The following DGKI variants were observed in gnomAD, a reference collection of about 807,000 sequenced individuals.
The protein encoded by DGKI is diacylglycerol kinase iota.
Under a neutral mutation model 147.5 loss-of-function variants are expected in DGKI, and 55 were observed. The observed-to-expected ratio is 0.37, with a 90% CI of 0.30 to 0.47. The LOEUF (loss-of-function observed/expected upper bound fraction) is 0.47. Among genes scored for constraint, DGKI ranks in the 20% least tolerant of loss-of-function variants. The pLI is 1.00. For synonymous variants in DGKI, 469 were observed against 477.1 expected (o/e 0.98, Z 0.22); for missense variants, 1,007 against 1,323.8 (o/e 0.76, Z 3.71).
At chr7:137,465,071 G>A (rs1814602620) in intron 26 of DGKI, among the ~76,000 whole-genome samples, 1 of 152,170 alleles carries the variant, frequency 6.6e-6, no homozygotes, top group African/African-American at 2.4e-5. Flanking sequence ...ATTATGTTTT[G>A]GTGGTAGAAG....
chr7:137,408,738 T>C (rs1189528179), intron 29 of DGKI, among the ~76,000 whole-genome samples: 2 of 152,172 alleles, frequency 1.3e-5, no homozygotes, highest in South Asian at 2.1e-4. Context: ...CAGAATTTTG[T>C]AGCCTGAGGA....
At chr7:137,399,743 C>T (rs1811681651) in intron 30 of DGKI, among the ~76,000 whole-genome samples, 1 of 152,076 alleles carries the variant, frequency 6.6e-6, no homozygotes, top group South Asian at 2.1e-4. Context: ...AACCCCGTCT[C>T]TACTAAAAAT....
chr7:137,535,477 C>T (rs968820435), intron 20 of DGKI, among the ~76,000 whole-genome samples: 11 of 151,596 alleles, frequency 7.3e-5, no homozygotes, highest in African/African-American at 2.7e-4. Flanking sequence ...TTTCCCCCTC[C>T]TTTTCCCTGC....
chr7:137,609,207 A>G, intron 9 of DGKI, 143 bp from the exon 10 acceptor site: 1 of 637,074 alleles, frequency 1.6e-6, no homozygotes, highest in Admixed American at 2.9e-5. Context: ...AAGGCTTGGA[A>G]GAAAGTATCT....
At chr7:137,839,122 GA>G (rs1392202405) in intron 1 of DGKI, among the ~76,000 whole-genome samples, 1 of 152,138 alleles carries the variant, frequency 6.6e-6, no homozygotes, top group Non-Finnish European at 1.5e-5. Flanking sequence ...TGGGAGTTTG[GA>G]TTGCTGCTAC....
chr7:137,724,338 G>C (rs185812496), intron 1 of DGKI, among the ~76,000 whole-genome samples: 1 of 152,316 alleles, frequency 6.6e-6, no homozygotes, highest in East Asian at 1.9e-4. Context: ...GCCAGGAAAT[G>C]ATATGAACAT....
chr7:137,461,113 AAGAAAT>A (rs1814426817), intron 27 of DGKI, among the ~76,000 whole-genome samples: 1 of 152,220 alleles, frequency 6.6e-6, no homozygotes, highest in Non-Finnish European at 1.5e-5. Context: ...AAATGTAAAA[AAGAAAT>A]AGAAACCAAA....
At chr7:137,547,716 GC>G (rs1817911101) in intron 20 of DGKI, among the ~76,000 whole-genome samples, 1 of 152,170 alleles carries the variant, frequency 6.6e-6, no homozygotes, top group African/African-American at 2.4e-5. Flanking sequence ...TCCCCACAGA[GC>G]AGAGAAGGGA....
At chr7:137,781,677 C>T (rs1246772793) in intron 1 of DGKI, among the ~76,000 whole-genome samples, 1 of 152,200 alleles carries the variant, frequency 6.6e-6, no homozygotes, top group Non-Finnish European at 1.5e-5. Flanking sequence ...TTTGCTAGTA[C>T]ATAATGCTGG....
intron 20 of DGKI, among the ~76,000 whole-genome samples, chr7:137,524,041 C>A (rs1331270071): frequency 6.6e-6 from 1 of 151,294 alleles, no homozygotes; most frequent in African/African-American, 2.5e-5. Flanking sequence ...ACTATAAAGT[C>A]TGGATTGGCA....
rs966742236 is a variant in DGKI at position 137,652,329 on chromosome 7, T to A, written c.738+2403A>T. 1.4e-4 allele frequency among the ~76,000 whole-genome samples: 21 copies of A among 152,172 alleles called. No homozygotes were observed. In the South Asian group the frequency reaches 1.7e-3, roughly 12 times the overall value. ...CCAAAAGCATCTTGTATTAGAAAAATTGCACGATTAAAATTGTCTCTCTTT... is the reference window on the plus strand; with the variant it reads ...CCAAAAGCATCTTGTATTAGAAAAAATGCACGATTAAAATTGTCTCTCTTT... On this transcript the variant is annotated intron_variant, in intron 5 of 32. Coordinates refer to ENST00000614521, the MANE Select transcript of DGKI (RefSeq NM_001321708.2).
At chr7:137,537,754 C>T (rs1456960067) in intron 20 of DGKI, among the ~76,000 whole-genome samples, 1 of 152,170 alleles carries the variant, frequency 6.6e-6, no homozygotes, top group Admixed American at 6.6e-5. Context: ...TATTAGCCAC[C>T]AGCAGCTTAA....
chr7:137,770,297 C>T (rs1038153614), intron 1 of DGKI, among the ~76,000 whole-genome samples: 1 of 151,630 alleles, frequency 6.6e-6, no homozygotes, highest in Non-Finnish European at 1.5e-5. Context: ...AGGGGAACAA[C>T]ACACATCAGG....
intron 30 of DGKI, among the ~76,000 whole-genome samples, chr7:137,406,930 CAAAAAAAA>C (rs3046570): frequency 2.2e-5 from 2 of 92,544 alleles, no homozygotes; most frequent in South Asian, 4.7e-4. Context: ...TGCTGAATTG[CAAAAAAAA>C]AAAAAAAAAA....
At chr7:137,517,339 G>GAAA (rs1326759879) in intron 21 of DGKI, among the ~76,000 whole-genome samples, 1 of 97,924 alleles carries the variant, frequency 1.0e-5, no homozygotes. Flanking sequence ...AAGAAAGAAA[G>GAAA]AGAAAGAAAG....
intron 3 of DGKI, among the ~76,000 whole-genome samples, chr7:137,673,490 G>A (rs993313211): frequency 6.6e-6 from 1 of 152,156 alleles, no homozygotes; most frequent in African/African-American, 2.4e-5. Flanking sequence ...AGGTAAAATG[G>A]CATAATTGAC....
chr7:137,828,772 A>T (rs1440526547), intron 1 of DGKI, among the ~76,000 whole-genome samples: 1 of 152,250 alleles, frequency 6.6e-6, no homozygotes, highest in East Asian at 1.9e-4. Context: ...TCCCCTAGGA[A>T]TCAGGGGAGC....
intron 29 of DGKI, among the ~76,000 whole-genome samples, chr7:137,409,669 T>G (rs1585086181): frequency 6.6e-6 from 1 of 152,222 alleles, no homozygotes; most frequent in Non-Finnish European, 1.5e-5. Context: ...ACTCCCTTTC[T>G]TTGTGGGGAG....
At chr7:137,669,248 T>A (rs1170180645) in intron 3 of DGKI, among the ~76,000 whole-genome samples, 1 of 152,170 alleles carries the variant, frequency 6.6e-6, no homozygotes, top group Non-Finnish European at 1.5e-5. Context: ...TGTATCCACC[T>A]CATCAATGTG....
Sources: allele counts gnomAD v4.1 joint callset (sites outside exome capture counted in the v4.1 genomes callset), GRCh38; gene constraint gnomAD v4.1.1; transcripts MANE v1.5; gene names NCBI Gene and HGNC (gene_info 2026-07-23, HGNC 2026-07-21).